Variants in SNTB1 observed in about 807,000 individuals in gnomAD.
SNTB1 encodes the protein syntrophin beta 1.
In SNTB1, 36 loss-of-function variants were observed where a neutral mutation model predicts 48.9. The ratio of observed to expected loss-of-function variants is 0.74; its 90% CI spans 0.56 to 0.97. SNTB1 has a LOEUF of 0.97. Ranked by LOEUF, SNTB1 falls within the 50% of genes least tolerant of loss-of-function variation. SNTB1 has a pLI of 0.00. For synonymous variants in SNTB1, 299 were observed against 294.6 expected (o/e 1.01, Z -0.15); for missense variants, 786 against 703.4 (o/e 1.12, Z -1.33).
chr8:120,761,535 CA>C (rs1819418961), intron 1 of SNTB1, among the ~76,000 whole-genome samples: 1 of 152,186 alleles, frequency 6.6e-6, no homozygotes, highest in African/African-American at 2.4e-5. Context: ...TGTAGACATA[CA>C]TACCTAACCA....
chr8:120,607,724 C>G (rs1816547877), intron 3 of SNTB1, among the ~76,000 whole-genome samples: 1 of 152,120 alleles, frequency 6.6e-6, no homozygotes, highest in Non-Finnish European at 1.5e-5. Flanking sequence ...TGCTATGGCC[C>G]AGCTGGGGTA....
intron 3 of SNTB1, among the ~76,000 whole-genome samples, chr8:120,590,683 TTC>T (rs201929544): frequency 2.9e-4 from 39 of 133,314 alleles, no homozygotes; most frequent in East Asian, 2.5e-3. Flanking sequence ...TTCTTTTCTT[TTC>T]TTTTTTTTTT....
At chr8:120,559,035 T>C (rs1815612311) in intron 4 of SNTB1, among the ~76,000 whole-genome samples, 1 of 152,240 alleles carries the variant, frequency 6.6e-6, no homozygotes, top group Non-Finnish European at 1.5e-5. Context: ...TAATGACTAC[T>C]ACATGACTCC....
At chr8:120,644,107 G>A (rs1817241245) in intron 2 of SNTB1, among the ~76,000 whole-genome samples, 1 of 151,988 alleles carries the variant, frequency 6.6e-6, no homozygotes, top group Non-Finnish European at 1.5e-5. Flanking sequence ...TTTTGAAGCT[G>A]TGTACCAGTA....
intron 3 of SNTB1, among the ~76,000 whole-genome samples, chr8:120,602,419 AC>A (rs1157858560): frequency 6.6e-6 from 1 of 152,170 alleles, no homozygotes; most frequent in Admixed American, 6.5e-5. Flanking sequence ...AAAGCAGATG[AC>A]CTTCCATCAG....
At chr8:120,621,630 T>C (rs1057235826) in intron 3 of SNTB1, among the ~76,000 whole-genome samples, 9 of 152,246 alleles carry the variant, frequency 5.9e-5, no homozygotes, top group African/African-American at 1.9e-4. Context: ...AACAAACAAG[T>C]GTAGTAATAG....
In SNTB1 at chr8:120,694,434, A is replaced by G. The variant is rs147221099; in HGVS notation, c.572-526T>C. Among the ~76,000 whole-genome samples, 989 of 152,214 alleles carry G rather than the reference A, an allele frequency of 6.5e-3. 8 individuals carry two copies. Among genetic ancestry groups the G allele is most frequent in the African/African-American group, 0.022 (926 of 41,524 alleles). Reference sequence around the variant, plus strand: ...TGGCAAAAATGTGTAATAGCAAAAAAAATTATTTGTAAGAGCTGAAAAGTA... The same window carrying G: ...TGGCAAAAATGTGTAATAGCAAAAAGAATTATTTGTAAGAGCTGAAAAGTA... On this transcript the variant is annotated intron_variant, in intron 1 of 6. Transcript: ENST00000517992.
chr8:120,679,219 C>T (rs1183782185), intron 2 of SNTB1, among the ~76,000 whole-genome samples: 1 of 152,174 alleles, frequency 6.6e-6, no homozygotes, highest in African/African-American at 2.4e-5. Flanking sequence ...CTCATTTATC[C>T]TTCTGTGTTT....
At chr8:120,710,932 C>T (rs1390425502) in intron 1 of SNTB1, among the ~76,000 whole-genome samples, 1 of 152,176 alleles carries the variant, frequency 6.6e-6, no homozygotes, top group Non-Finnish European at 1.5e-5. Flanking sequence ...TAAAACGCAA[C>T]TCTTCCTGGG....
At chr8:120,655,848 G>A (rs1338100932) in intron 2 of SNTB1, among the ~76,000 whole-genome samples, 2 of 152,192 alleles carry the variant, frequency 1.3e-5, no homozygotes, top group African/African-American at 4.8e-5. Flanking sequence ...GGAAGTAAAT[G>A]TGCATAGACA....
At position 120,811,636 on chromosome 8, in the gene SNTB1, T is replaced by G. The variant is rs1261192367; in HGVS notation, c.208A>C (p.Arg70=). Residue 70 remains arginine (R), a synonymous_variant, in exon 1 of 7, where the codon AGG becomes CGG. Transcript: ENST00000517992. ...CCCGGGTGCCCAGCCCCGGCGCCCC[T>G]GCAGAACGAGCCATTGGTGGCGGTC... The part of the protein sequence containing the change: ...IGTATNGSFC[R]GAGAGHPGAG... The G allele has an allele frequency of 4.4e-6, 7 of 1,594,078 alleles. No homozygotes were observed. The highest frequency in any genetic ancestry group is 1.8e-5 in the Admixed American group (1 of 56,864).
intron 2 of SNTB1, among the ~76,000 whole-genome samples, chr8:120,677,083 TA>T (rs1817850425): frequency 6.6e-6 from 1 of 151,694 alleles, no homozygotes; most frequent in South Asian, 2.1e-4. Flanking sequence ...AAAAAAACTT[TA>T]TACACAGAGA....
intron 5 of SNTB1, among the ~76,000 whole-genome samples, chr8:120,543,959 ATTT>A (rs5894527): frequency 1.4e-5 from 2 of 144,676 alleles, no homozygotes. Flanking sequence ...TGACCCCTCC[ATTT>A]TTTTTTTTTT....
At chr8:120,554,440 G>A (rs528091643) in intron 4 of SNTB1, among the ~76,000 whole-genome samples, 8 of 152,234 alleles carry the variant, frequency 5.3e-5, no homozygotes, top group African/African-American at 1.9e-4. Flanking sequence ...GACAATGAGC[G>A]CTGACTGAAA....
At chr8:120,637,860 T>C (rs1817109242) in intron 2 of SNTB1, 1 of 233,984 alleles carries the variant, frequency 4.3e-6, no homozygotes, top group African/African-American at 2.3e-5. Flanking sequence ...CTAATACTCT[T>C]ATTTCTTCTT....
At chr8:120,802,941 C>G (rs537873954) in intron 1 of SNTB1, among the ~76,000 whole-genome samples, 3 of 151,900 alleles carry the variant, frequency 2.0e-5, no homozygotes, top group African/African-American at 7.3e-5. Flanking sequence ...GGAATTGAAG[C>G]CCAGACGGAG....
chr8:120,542,730 G>GCA (rs1162732972), intron 5 of SNTB1, among the ~76,000 whole-genome samples: 1 of 146,176 alleles, frequency 6.8e-6, no homozygotes, highest in Non-Finnish European at 1.5e-5. Context: ...ACACACACAC[G>GCA]CACACACACA....
intron 1 of SNTB1, among the ~76,000 whole-genome samples, chr8:120,765,463 C>T (rs948806775): frequency 1.3e-5 from 2 of 152,218 alleles, no homozygotes; most frequent in Non-Finnish European, 2.9e-5. Context: ...GTATATCACA[C>T]GCTGGGTGAC....
chr8:120,741,193 G>A (rs190638458), intron 1 of SNTB1, among the ~76,000 whole-genome samples: 1 of 152,310 alleles, frequency 6.6e-6, no homozygotes, highest in East Asian at 1.9e-4. Flanking sequence ...AGAGATTCAT[G>A]TCCAAATTTA....
Sources: gnomAD v4.1 joint callset for allele counts (sites outside exome capture counted in the v4.1 genomes callset) on GRCh38, gnomAD v4.1.1 for gene constraint, MANE v1.5 for transcripts, NCBI Gene and HGNC (gene_info 2026-07-23, HGNC 2026-07-21) for gene names.